PBRM1: variants seen among roughly 807,000 people sequenced by gnomAD.
The protein encoded by PBRM1 is protein polybromo-1.
Under a neutral mutation model 194.5 loss-of-function variants are expected in PBRM1, and 27 were observed. The observed-to-expected ratio is 0.14, with a 90% CI of 0.10 to 0.19. The LOEUF (loss-of-function observed/expected upper bound fraction) is 0.19. Among genes scored for constraint, PBRM1 ranks in the 10% least tolerant of loss-of-function variants. PBRM1 has a pLI of 1.00. For missense variants in PBRM1, 1,466 were observed against 2,077.2 expected, an observed-to-expected ratio of 0.71 and a Z score of 5.72; for synonymous variants, 655 against 693.2, an observed-to-expected ratio of 0.94 and a Z score of 0.87.
intron 18 of PBRM1, among the ~76,000 whole-genome samples, chr3:52,588,205 A>G (rs953792174): frequency 6.6e-6 from 1 of 152,176 alleles, no homozygotes; most frequent in African/African-American, 2.4e-5. Flanking sequence ...AAGGAATACA[A>G]AAGTATTTCA....
intron 13 of PBRM1, among the ~76,000 whole-genome samples, chr3:52,617,796 A>T (rs936355195): frequency 1.2e-4 from 19 of 152,222 alleles, no homozygotes; most frequent in African/African-American, 4.1e-4. Context: ...TATGTCATGA[A>T]ATGCAATGTT....
At chr3:52,660,552 A>T (rs1560898048) in intron 4 of PBRM1, among the ~76,000 whole-genome samples, 1 of 151,944 alleles carries the variant, frequency 6.6e-6, no homozygotes, top group Non-Finnish European at 1.5e-5. Flanking sequence ...TCATTCTAAG[A>T]CCCAGGCTAG....
At chr3:52,569,512 C>T (rs568297733) in intron 22 of PBRM1, among the ~76,000 whole-genome samples, 2 of 151,914 alleles carry the variant, frequency 1.3e-5, no homozygotes, top group South Asian at 2.1e-4. Flanking sequence ...GCCCGGCCTT[C>T]AATATGATTT....
intron 13 of PBRM1, among the ~76,000 whole-genome samples, chr3:52,621,303 G>A (rs754131494): frequency 1.3e-5 from 2 of 152,104 alleles, no homozygotes; most frequent in Non-Finnish European, 2.9e-5. Flanking sequence ...GGGACTACAG[G>A]TGCCTGCCAC....
intron 16 of PBRM1, among the ~76,000 whole-genome samples, chr3:52,606,509 T>G (rs989670542): frequency 2.4e-4 from 37 of 152,214 alleles, no homozygotes; most frequent in Non-Finnish European, 3.1e-4. Flanking sequence ...AATTCCATCA[T>G]ATCGCATGGT....
exon 24 of PBRM1, chr3:52,563,298 G>C: frequency 6.2e-7 from 1 of 1,613,704 alleles, no homozygotes; most frequent in South Asian, 1.1e-5. Context: ...GGGGTGTGTA[G>C]GGCATGAGGT....
chr3:52,593,811 C>T (rs780306796), intron 17 of PBRM1, among the ~76,000 whole-genome samples: 5 of 152,050 alleles, frequency 3.3e-5, no homozygotes, highest in Non-Finnish European at 7.4e-5. Flanking sequence ...AATTTTCCTT[C>T]TTTTGCATTT....
chr3:52,652,245 G>C (rs1352271638), intron 5 of PBRM1, among the ~76,000 whole-genome samples: 1 of 151,800 alleles, frequency 6.6e-6, no homozygotes, highest in African/African-American at 2.4e-5. Flanking sequence ...TTAGCCGGGC[G>C]TGGTGGCAGG....
At chr3:52,579,181 C>A (rs762485022) in exon 21 of PBRM1, 3 of 1,614,038 alleles carry the variant, frequency 1.9e-6, no homozygotes, top group Non-Finnish European at 2.5e-6. Flanking sequence ...GACATTTCCA[C>A]AGGGACATCT....
chr3:52,629,767 G>A (rs1577068877), intron 11 of PBRM1, among the ~76,000 whole-genome samples: 1 of 152,254 alleles, frequency 6.6e-6, no homozygotes, highest in East Asian at 1.9e-4. Flanking sequence ...GATTTAGACA[G>A]GACAGACTTT....
At position 52,563,329 on chromosome 3, in the gene PBRM1, G is replaced by T. The variant is rs767904372; in HGVS notation, c.4040C>A (p.Thr1347Asn). 113 of 1,613,950 alleles carry T rather than the reference G, an allele frequency of 7.0e-5. 1 individual carries two copies. In the South Asian group the frequency reaches 8.3e-4, roughly 12 times the overall value. Reference sequence around the variant, plus strand: ...GAGGTCCAGCTCACTGGCCAGGGGGGTCTGAAGCTGAGGTAGAGAAGGAGG... The same window carrying T: ...GAGGTCCAGCTCACTGGCCAGGGGGTTCTGAAGCTGAGGTAGAGAAGGAGG... Residue 1347 changes from threonine (T) to asparagine (N), a missense_variant, in exon 24 of 30, where the codon ACC (threonine) becomes AAC (asparagine). This residue lies in a region of PBRM1 where 687 missense variants were observed against 946.2 expected (regional missense o/e 0.73). Coordinates refer to ENST00000296302, the Ensembl canonical transcript of PBRM1.
chr3:52,590,967 A>G (rs1376405986), intron 17 of PBRM1, among the ~76,000 whole-genome samples: 1 of 152,040 alleles, frequency 6.6e-6, no homozygotes, highest in African/African-American at 2.4e-5. Flanking sequence ...CATTGTAGGG[A>G]TCTTTCACCT....
Position 52,610,034 on chromosome 3 carries a change from G to A in PBRM1, c.1925-79C>T, listed in dbSNP as rs951697625. 6 of 822,206 alleles carry A rather than the reference G, an allele frequency of 7.3e-6. No homozygotes were observed. The Admixed American group carries it at 1.1e-4, about 15-fold the overall frequency. The allele number at this position is 822,206 out of a possible 1,614,324, so 50.9% of individuals were successfully genotyped here. On this transcript the variant is annotated intron_variant, in intron 15 of 29. Coordinates refer to ENST00000296302, the Ensembl canonical transcript of PBRM1. ...ATACAGATGGTAGCATAACCACAAG[G>A]GACGATTCCAAGTAATTTGTAAAAT... is the stretch of plus-strand genomic sequence containing the variant.
intron 8 of PBRM1, among the ~76,000 whole-genome samples, chr3:52,643,915 T>G (rs1466223517): frequency 6.6e-6 from 1 of 151,404 alleles, no homozygotes; most frequent in Admixed American, 6.6e-5. Flanking sequence ...GAGGTTGCAG[T>G]GGGCCGAGAT....
chr3:52,663,166 T>G (rs1016854398), intron 3 of PBRM1, among the ~76,000 whole-genome samples: 13 of 152,290 alleles, frequency 8.5e-5, no homozygotes, highest in Non-Finnish European at 1.5e-4. Context: ...GGAAACCAGA[T>G]GAAAACCCAC....
intron 5 of PBRM1, among the ~76,000 whole-genome samples, chr3:52,654,941 A>G (rs992993849): frequency 6.6e-6 from 1 of 152,050 alleles, no homozygotes; most frequent in East Asian, 1.9e-4. Context: ...GGTGCACACC[A>G]CCATGACTAG....
chr3:52,564,605 G>T (rs941295997), intron 22 of PBRM1, among the ~76,000 whole-genome samples: 5 of 150,994 alleles, frequency 3.3e-5, no homozygotes, highest in African/African-American at 1.2e-4. Flanking sequence ...AGCTGTGATT[G>T]CACTACTGCA....
chr3:52,587,552 C>T (rs768737883), intron 18 of PBRM1, 42 bp from the exon 21 acceptor site: 2 of 1,064,504 alleles, frequency 1.9e-6, no homozygotes, highest in Non-Finnish European at 2.8e-6. Flanking sequence ...GAAAGAGAAT[C>T]ATTGTTAACA....
intron 24 of PBRM1, 28 bp downstream of exon 26, chr3:52,563,255 A>AT (rs2084145306): frequency 3.8e-6 from 6 of 1,574,604 alleles, no homozygotes; most frequent in Non-Finnish European, 5.2e-6. Flanking sequence ...TGGTAATAAG[A>AT]TAAGTAACAG....
Sources: allele counts gnomAD v4.1 joint callset (sites outside exome capture counted in the v4.1 genomes callset), GRCh38; gene constraint gnomAD v4.1.1; regional missense constraint gnomAD v4.1.1; transcripts MANE v1.5; gene names NCBI Gene and HGNC (gene_info 2026-07-23, HGNC 2026-07-21).